SLC22A23: variants seen among roughly 807,000 people sequenced by gnomAD.
SLC22A23 encodes ion transporter protein.
Under a neutral mutation model 61.0 loss-of-function variants are expected in SLC22A23, and 26 were observed. The observed-to-expected ratio is 0.43, with a 90% CI of 0.31 to 0.59. The LOEUF (loss-of-function observed/expected upper bound fraction) is 0.59, where lower values mean the gene tolerates loss of function less well. Ranked by LOEUF, SLC22A23 falls within the 20% of genes least tolerant of loss-of-function variation. The pLI is 0.11. For synonymous variants in SLC22A23, 430 were observed against 413.9 expected, an observed-to-expected ratio of 1.04 and a Z score of -0.47; for missense variants, 796 against 934.7, an observed-to-expected ratio of 0.85 and a Z score of 1.94.
chr6:3,289,756 T>A lies in SLC22A23; in HGVS notation c.1313+8A>T. ...CCACCCAGCTGGCACTTGTCCTCTG[T>A]GACTCACGAGTTCACACACAGGACC... On this transcript the variant is annotated splice_region_variant and intron_variant, in intron 6 of 9. Coordinates refer to ENST00000406686, the MANE Select transcript of SLC22A23 (RefSeq NM_015482.2). 6.2e-7 allele frequency: 1 copy of A among 1,613,248 alleles called. No individual in the cohort carries two copies. The highest frequency in any genetic ancestry group is 8.5e-7 in the Non-Finnish European group (1 of 1,179,448).
At chr6:3,411,889 G>A (rs987642556) in intron 2 of SLC22A23, among the ~76,000 whole-genome samples, 5 of 152,202 alleles carry the variant, frequency 3.3e-5, no homozygotes, top group African/African-American at 1.2e-4. Flanking sequence ...AGACTGTGTA[G>A]CTGATTTTGT....
intron 3 of SLC22A23, among the ~76,000 whole-genome samples, chr6:3,357,793 C>T (rs950863117): frequency 6.6e-6 from 1 of 152,214 alleles, no homozygotes; most frequent in Non-Finnish European, 1.5e-5. Flanking sequence ...GCCACACCAC[C>T]GGCCTCAAGG....
chr6:3,321,401 T>TACATGCACAC (rs66602029), intron 4 of SLC22A23, among the ~76,000 whole-genome samples: 4 of 152,086 alleles, frequency 2.6e-5, no homozygotes, highest in East Asian at 3.9e-4. Context: ...CACGTACACA[T>TACATGCACAC]ACATGCACAC....
At chr6:3,302,624 A>G (rs1038107563) in intron 4 of SLC22A23, among the ~76,000 whole-genome samples, 4 of 151,958 alleles carry the variant, frequency 2.6e-5, no homozygotes, top group Non-Finnish European at 5.9e-5. Flanking sequence ...GTTTTAATAT[A>G]TTGTGTTTCT....
chr6:3,394,426 T>C lies in SLC22A23; in HGVS notation c.913+15762A>G, dbSNP rs556672212. Reference sequence around the variant, plus strand: ...ATGATTCCAAAGACCATCTTTTCAGTGGCAAAACTGTCAAGAACAGGAATG... The same window carrying C: ...ATGATTCCAAAGACCATCTTTTCAGCGGCAAAACTGTCAAGAACAGGAATG... On this transcript the variant is annotated intron_variant, in intron 3 of 9. Transcript: ENST00000406686. 7.2e-5 allele frequency among the ~76,000 whole-genome samples: 11 copies of C among 152,298 alleles called. No individual in the cohort carries two copies. The South Asian group carries it at 2.3e-3, about 32-fold the overall frequency.
At position 3,410,312 on chromosome 6, in the gene SLC22A23, G is replaced by A. The variant is rs1288587901; in HGVS notation, c.789C>T (p.Ser263=). Residue 263 remains serine, a synonymous_variant, in exon 3 of 10, where the codon TCC becomes TCT. Coordinates refer to ENST00000406686, the MANE Select transcript of SLC22A23 (RefSeq NM_015482.2). The surrounding 1 kb of genome is among the most constrained non-coding windows in gnomAD (Gnocchi z 5.0). The part of the protein sequence containing the change: ...WVGRRPVLLF[S]IIFILIFGLT... ...GTCCAAAGATCAGAATGAAGATGAT[G>A]GAAAACAGCAGCACAGGCCGCCGGC... is the stretch of plus-strand genomic sequence containing the variant. 3.1e-6 allele frequency: 5 copies of A among 1,613,090 alleles called. No homozygotes were observed. The highest frequency in any genetic ancestry group is 1.1e-5 in the South Asian group (1 of 90,832).
intron 3 of SLC22A23, among the ~76,000 whole-genome samples, chr6:3,377,137 A>G (rs1425917677): frequency 3.9e-5 from 6 of 152,166 alleles, no homozygotes; most frequent in African/African-American, 1.4e-4. Flanking sequence ...TGTAACACCC[A>G]TTTGTTTACA....
chr6:3,321,574 T>G (rs1437812274), intron 4 of SLC22A23, among the ~76,000 whole-genome samples: 1 of 151,596 alleles, frequency 6.6e-6, no homozygotes, highest in Non-Finnish European at 1.5e-5. Flanking sequence ...AATATGTTTC[T>G]AAAATTAAAA....
intron 3 of SLC22A23, among the ~76,000 whole-genome samples, chr6:3,407,498 C>T (rs1768918827): frequency 6.6e-6 from 1 of 152,226 alleles, no homozygotes; most frequent in Non-Finnish European, 1.5e-5. Flanking sequence ...TTTTTAAATT[C>T]TCCCTTTATT....
chr6:3,354,006 G>A (rs565849808), intron 3 of SLC22A23, among the ~76,000 whole-genome samples: 5 of 152,342 alleles, frequency 3.3e-5, no homozygotes, highest in South Asian at 2.1e-4. Flanking sequence ...TCCTTGGGTC[G>A]GTTGACTGAA....
chr6:3,417,893 G>A (rs112457322), intron 1 of SLC22A23, among the ~76,000 whole-genome samples: 1 of 152,204 alleles, frequency 6.6e-6, no homozygotes, highest in Non-Finnish European at 1.5e-5. Flanking sequence ...GTGAGCTTTT[G>A]GAGGCAAGCC....
intron 3 of SLC22A23, among the ~76,000 whole-genome samples, chr6:3,388,512 CAT>C (rs1767452554): frequency 6.6e-6 from 1 of 152,106 alleles, no homozygotes; most frequent in South Asian, 2.1e-4. Context: ...TCCTCGAAAA[CAT>C]AAAAATACAA....
At chr6:3,347,527 C>T (rs1044905976) in intron 3 of SLC22A23, among the ~76,000 whole-genome samples, 5 of 151,956 alleles carry the variant, frequency 3.3e-5, no homozygotes, top group African/African-American at 1.2e-4. Flanking sequence ...CCCAGCCATG[C>T]AATGAACTGC....
intron 3 of SLC22A23, among the ~76,000 whole-genome samples, chr6:3,371,782 G>A (rs746297441): frequency 6.6e-6 from 1 of 152,036 alleles, no homozygotes; most frequent in Non-Finnish European, 1.5e-5. Context: ...TTTCCTGCCA[G>A]GCACTGTGTT....
At chr6:3,435,731 C>T (rs901190843) in intron 1 of SLC22A23, among the ~76,000 whole-genome samples, 2 of 152,182 alleles carry the variant, frequency 1.3e-5, no homozygotes, top group Admixed American at 1.3e-4. Flanking sequence ...ACAAGATATG[C>T]TGGAATCCAA....
chr6:3,414,702 C>T lies in SLC22A23; in HGVS notation c.758+1050G>A, dbSNP rs1367308451. On this transcript the variant is annotated intron_variant, in intron 2 of 9. Coordinates refer to ENST00000406686, the MANE Select transcript of SLC22A23 (RefSeq NM_015482.2). This position sits in a 1 kb window ranked among gnomAD's most constrained non-coding sequence, Gnocchi z 5.1. ...ACTCTGGGCCCTTATTTCCTCAAGG[C>T]CAAGATGTCTCGATTCACCAAAAAA... Among the ~76,000 whole-genome samples the T allele has an allele frequency of 1.5e-5, 2 of 135,048 alleles. No individual in the cohort carries two copies. The highest frequency in any genetic ancestry group is 3.1e-5 in the Non-Finnish European group (2 of 65,248). The allele number at this position is 135,048 out of a possible 152,430, so 88.6% of individuals were successfully genotyped here.
At position 3,455,918 on chromosome 6, in the gene SLC22A23, G is replaced by T; in HGVS notation, c.642C>A (p.Asn214Lys). 2 of 1,507,484 alleles carry T rather than the reference G, an allele frequency of 1.3e-6. No individual in the cohort carries two copies. The highest frequency in any genetic ancestry group is 8.9e-7 in the Non-Finnish European group (1 of 1,120,886). The allele number at this position is 1,507,484 out of a possible 1,614,324, so 93.4% of individuals were successfully genotyped here. ...CTGCGGCCCTTACCTTGCTGACCAC[G>T]TTCTGGACGAGGCCGGCGCGGATGC... is the stretch of plus-strand genomic sequence containing the variant. The part of the protein sequence containing the change: ...DYGIRAGLVQ[N>K]VVSKWDLVCD... The change falls in exon 1 of 10, where the codon AAC (asparagine) becomes AAA (lysine). Residue 214 changes from asparagine to lysine, a missense_variant. Asn to Lys is a moderately conservative substitution (Grantham distance 94). Coordinates refer to ENST00000406686, the MANE Select transcript of SLC22A23 (RefSeq NM_015482.2).
intron 3 of SLC22A23, among the ~76,000 whole-genome samples, chr6:3,385,851 T>C (rs1289103332): frequency 1.3e-5 from 2 of 152,180 alleles, no homozygotes. Context: ...GAGCACTCTG[T>C]TACCAGGACA....
intron 3 of SLC22A23, among the ~76,000 whole-genome samples, chr6:3,361,663 C>T (rs1005950485): frequency 1.3e-5 from 2 of 152,208 alleles, no homozygotes; most frequent in Non-Finnish European, 1.5e-5. Flanking sequence ...AATTCAGACT[C>T]GAAAGCCCAG....
Sources: gnomAD v4.1 joint callset for allele counts (sites outside exome capture counted in the v4.1 genomes callset) on GRCh38, gnomAD v4.1.1 for gene constraint, Gnocchi (gnomAD v3.1) non-coding constraint, MANE v1.5 for transcripts, NCBI Gene and HGNC (gene_info 2026-07-23, HGNC 2026-07-21) for gene names.